The following NCAM1 variants were observed in gnomAD, a reference collection of about 807,000 sequenced individuals.
NCAM1 encodes neural cell adhesion molecule 1.
A neutral mutation model predicts 109.8 loss-of-function variants in NCAM1; 14 were observed. That is an observed-to-expected ratio of 0.13 (90% CI 0.08 to 0.20). The LOEUF is 0.20. NCAM1 is among the 10% of genes least tolerant of loss of function. NCAM1 has a pLI of 1.00. For missense variants in NCAM1, 774 were observed against 1,109.9 expected (o/e 0.70, Z 4.30); for synonymous variants, 418 against 442.9 (o/e 0.94, Z 0.70).
intron 1 of NCAM1, among the ~76,000 whole-genome samples, chr11:113,087,768 G>C (rs1939154188): frequency 6.6e-6 from 1 of 152,172 alleles, no homozygotes; most frequent in Non-Finnish European, 1.5e-5. Flanking sequence ...GAAAATGTCT[G>C]TGCATTGCTC....
intron 17 of NCAM1, among the ~76,000 whole-genome samples, chr11:113,267,821 T>C (rs1453044062): frequency 6.6e-6 from 1 of 152,202 alleles, no homozygotes; most frequent in African/African-American, 2.4e-5. Context: ...AGAGCAGTTG[T>C]CCCAGCTGCT....
intron 7 of NCAM1, among the ~76,000 whole-genome samples, chr11:113,212,092 G>A (rs1481963798): frequency 6.6e-6 from 1 of 152,222 alleles, no homozygotes; most frequent in East Asian, 1.9e-4. Flanking sequence ...CCCAGCATCT[G>A]TCCCTGTTTG....
chr11:113,000,817 CATATAT>C (rs375984527), intron 1 of NCAM1, among the ~76,000 whole-genome samples: 6,775 of 129,372 alleles, frequency 0.052, 551 homozygotes, highest in Admixed American at 0.18. Context: ...ATTATATATA[CATATAT>C]ATATATATAT....
At chr11:112,985,253 C>CT (rs10630754) in intron 1 of NCAM1, among the ~76,000 whole-genome samples, 51,044 of 143,120 alleles carry the variant, frequency 0.36, 9,328 homozygotes, top group South Asian at 0.5. Context: ...GTCTATGTAT[C>CT]TTTTTTTTTT....
chr11:113,011,209 G>A (rs1454536917), intron 1 of NCAM1, among the ~76,000 whole-genome samples: 20 of 142,938 alleles, frequency 1.4e-4, no homozygotes, highest in East Asian at 2.1e-4. Context: ...GAGAATATGC[G>A]GTGTTTGGTT....
intron 1 of NCAM1, among the ~76,000 whole-genome samples, chr11:113,038,121 C>T (rs1555079468): frequency 6.6e-6 from 1 of 152,166 alleles, no homozygotes; most frequent in Non-Finnish European, 1.5e-5. Flanking sequence ...ACCAATTCTC[C>T]CCAGCCAAAA....
intron 1 of NCAM1, among the ~76,000 whole-genome samples, chr11:113,185,832 A>G (rs1325831930): frequency 6.6e-6 from 1 of 152,136 alleles, no homozygotes; most frequent in African/African-American, 2.4e-5. Context: ...TCACTTGAGG[A>G]GCTCTTTAAA....
intron 1 of NCAM1, among the ~76,000 whole-genome samples, chr11:112,989,387 G>T (rs916891906): frequency 2.0e-5 from 3 of 151,990 alleles, no homozygotes; most frequent in Non-Finnish European, 4.4e-5. Flanking sequence ...GCATGATTGA[G>T]TCTGTTGTTG....
chr11:113,070,557 TGGAC>T (rs1938214519), intron 1 of NCAM1, among the ~76,000 whole-genome samples: 1 of 152,014 alleles, frequency 6.6e-6, no homozygotes, highest in Admixed American at 6.6e-5. Context: ...AGAGAAATGA[TGGAC>T]GGGATCGCAG....
intron 16 of NCAM1, among the ~76,000 whole-genome samples, chr11:113,256,881 G>C (rs944452710): frequency 2.0e-5 from 3 of 152,184 alleles, no homozygotes; most frequent in African/African-American, 4.8e-5. Context: ...GAATGAACCA[G>C]GGAGCAGTTT....
At chr11:113,169,176 A>G (rs528535526) in intron 1 of NCAM1, among the ~76,000 whole-genome samples, 1 of 152,212 alleles carries the variant, frequency 6.6e-6, no homozygotes, top group East Asian at 1.9e-4. Flanking sequence ...GATAGCAACC[A>G]TATCCCAAAA....
chr11:113,258,564 C>T (rs79167665), intron 16 of NCAM1, among the ~76,000 whole-genome samples: 10 of 152,182 alleles, frequency 6.6e-5, no homozygotes, highest in African/African-American at 1.7e-4. Flanking sequence ...AGGAGAAATA[C>T]GGCCAAGTGT....
rs1555112998 is a variant in NCAM1 at position 113,207,263 on chromosome 11, C to A, written c.631C>A (p.Pro211Thr). The A allele has an allele frequency of 6.2e-7, 1 of 1,613,496 alleles. No individual in the cohort carries two copies. Among genetic ancestry groups the A allele is most frequent in the Non-Finnish European group, 8.5e-7 (1 of 1,179,546 alleles). Residue 211 changes from proline to threonine, a missense_variant and splice_region_variant, in exon 6 of 20, where the codon CCA (proline) becomes ACA (threonine). By Grantham distance (38) the Pro-to-Thr change is conservative. Transcript: ENST00000316851. ...CATGACACCCTTTTTTCCTTCAGTG[C>A]CACCTACCATCCAGGCCAGGCAGAA... The part of the protein sequence containing the change: ...FKDIQVIVNV[P>T]PTIQARQNIV...
chr11:112,961,857 G>C (rs1014479573), intron 1 of NCAM1, among the ~76,000 whole-genome samples, 193 bp downstream of exon 1: 2 of 152,122 alleles, frequency 1.3e-5, no homozygotes, highest in Non-Finnish European at 2.9e-5. Context: ...TGCGCTGCAC[G>C]GGGCTGCCTC....
intron 1 of NCAM1, among the ~76,000 whole-genome samples, chr11:113,015,825 T>G (rs1952193574): frequency 6.6e-6 from 1 of 152,134 alleles, no homozygotes; most frequent in African/African-American, 2.4e-5. Flanking sequence ...GGAGTAAGCA[T>G]TACACTTAAA....
chr11:113,235,292 T>A (rs1555118066), intron 14 of NCAM1, 128 bp downstream of exon 14: 2 of 1,580,264 alleles, frequency 1.3e-6, no homozygotes, highest in Admixed American at 3.3e-5. Context: ...CCTCTGCTCC[T>A]GGAGGCCCCA....
chr11:112,984,000 T>G (rs1951225441), intron 1 of NCAM1, among the ~76,000 whole-genome samples: 1 of 151,898 alleles, frequency 6.6e-6, no homozygotes, highest in African/African-American at 2.4e-5. Context: ...GTCTCTAGAC[T>G]TATTCATCCT....
At chr11:113,164,680 G>C (rs1466247526) in intron 1 of NCAM1, among the ~76,000 whole-genome samples, 2 of 152,202 alleles carry the variant, frequency 1.3e-5, no homozygotes, top group Non-Finnish European at 2.9e-5. Flanking sequence ...TGTGTGGAAA[G>C]AGGTTCAGAG....
chr11:112,988,329 A>C (rs1224767250), intron 1 of NCAM1, among the ~76,000 whole-genome samples: 1 of 152,212 alleles, frequency 6.6e-6, no homozygotes, highest in Non-Finnish European at 1.5e-5. Context: ...ACACACCACC[A>C]TTACAATATT....
Sources: allele counts gnomAD v4.1 joint callset (sites outside exome capture counted in the v4.1 genomes callset), GRCh38; gene constraint gnomAD v4.1.1; transcripts MANE v1.5; gene names NCBI Gene and HGNC (gene_info 2026-07-23, HGNC 2026-07-21).